INPP4A: variants seen among roughly 807,000 people sequenced by gnomAD.
The protein encoded by INPP4A is inositol polyphosphate-4-phosphatase, type I, 107kD.
INPP4A carries 33 observed loss-of-function variants against 119.8 expected under a neutral mutation model. That is an observed-to-expected ratio of 0.28 (90% confidence interval 0.21 to 0.37). The LOEUF (loss-of-function observed/expected upper bound fraction) is 0.37, where lower values mean the gene tolerates loss of function less well. Among genes scored for constraint, INPP4A ranks in the 10% least tolerant of loss-of-function variants. INPP4A has a pLI of 1.00. For missense variants in INPP4A, 956 were observed against 1,289.9 expected, an observed-to-expected ratio of 0.74 and a Z score of 3.97; for synonymous variants, 496 against 500.7, an observed-to-expected ratio of 0.99 and a Z score of 0.12.
At chr2:98,490,080 G>T (rs75608749) in intron 1 of INPP4A, among the ~76,000 whole-genome samples, 10 of 151,912 alleles carry the variant, frequency 6.6e-5, no homozygotes, top group Non-Finnish European at 1.5e-4. Flanking sequence ...GAGGTGCTCC[G>T]GGTCTGGGTG....
intron 1 of INPP4A, among the ~76,000 whole-genome samples, chr2:98,458,896 A>G (rs1047912435): frequency 3.9e-5 from 6 of 152,190 alleles, no homozygotes; most frequent in South Asian, 2.1e-4. Context: ...GAAGTTCTCA[A>G]AGCATGGCTG....
intron 1 of INPP4A, among the ~76,000 whole-genome samples, chr2:98,483,697 G>A (rs1678958308): frequency 6.6e-6 from 1 of 152,130 alleles, no homozygotes; most frequent in Admixed American, 6.5e-5. Context: ...CCTAAACATA[G>A]CAGCGTGGAC....
At chr2:98,539,097 CCT>C (rs1690894551) in intron 9 of INPP4A, 116 bp downstream of exon 9, 1 of 587,788 alleles carries the variant, frequency 1.7e-6, no homozygotes, top group Non-Finnish European at 3.1e-6. Flanking sequence ...CTAATTGTCA[CCT>C]CTCTGCTGCT....
intron 1 of INPP4A, among the ~76,000 whole-genome samples, chr2:98,475,629 C>T (rs916467622): frequency 3.9e-5 from 6 of 152,114 alleles, no homozygotes; most frequent in African/African-American, 1.2e-4. Flanking sequence ...TTGCTTTAGG[C>T]GTCAGTATTA....
chr2:98,468,531 G>A (rs1574557723), intron 1 of INPP4A, among the ~76,000 whole-genome samples: 2 of 152,228 alleles, frequency 1.3e-5, no homozygotes, highest in South Asian at 2.1e-4. Context: ...GAGCCACCAT[G>A]TATGGCTGAA....
At chr2:98,516,645 A>G (rs1252180173) in intron 1 of INPP4A, among the ~76,000 whole-genome samples, 1 of 152,180 alleles carries the variant, frequency 6.6e-6, no homozygotes, top group African/African-American at 2.4e-5. Flanking sequence ...AGGCAATGGA[A>G]TGCTTTAGAC....
intron 1 of INPP4A, among the ~76,000 whole-genome samples, chr2:98,470,156 A>G (rs987088237): frequency 2.0e-5 from 3 of 152,350 alleles, no homozygotes; most frequent in East Asian, 3.9e-4. Context: ...TGACATGTTG[A>G]TGAGTCTGTA....
intron 18 of INPP4A, among the ~76,000 whole-genome samples, chr2:98,564,038 T>C (rs1277474544): frequency 6.6e-6 from 1 of 151,986 alleles, no homozygotes; most frequent in Non-Finnish European, 1.5e-5. Flanking sequence ...GCCTTAGCTC[T>C]GCAGCTTGTT....
intron 1 of INPP4A, among the ~76,000 whole-genome samples, chr2:98,445,868 GTAGAGCCC>G (rs2104347862): frequency 6.6e-6 from 1 of 152,358 alleles, no homozygotes; most frequent in East Asian, 1.9e-4. Flanking sequence ...CCTATATGTG[GTAGAGCCC>G]ATCTTCTCTT....
rs909183485 is a variant in INPP4A, at chr2:98,593,974, C to G, written c.*6366C>G. 2 of 152,082 alleles carry G rather than the reference C, an allele frequency of 1.3e-5. No homozygotes were observed. Among genetic ancestry groups the G allele is most frequent in the African/African-American group, 4.8e-5 (2 of 41,422 alleles). 9.4% of individuals were successfully genotyped at this position (152,082 alleles called of 1,614,324 possible). A position where few individuals can be genotyped will look rare whatever the true frequency, so the allele number is the denominator to read the frequency against. ...CTATGAAGATTCTTTCATGCATGTC[C>G]TGTCCACTGTCAGTCCCCTCTGTAT... On this transcript the variant is annotated 3_prime_UTR_variant, in exon 25 of 25. Transcript: ENST00000409851.
intron 4 of INPP4A, among the ~76,000 whole-genome samples, chr2:98,524,638 A>G (rs1250715312): frequency 6.6e-6 from 1 of 152,222 alleles, no homozygotes; most frequent in Admixed American, 6.5e-5. Context: ...ATAGGTGTCA[A>G]GAAAACTCAC....
rs1339938713 is a variant in INPP4A, at chr2:98,590,795, G to A, written c.*3187G>A. 1 of 227,550 alleles carries A rather than the reference G, an allele frequency of 4.4e-6. No homozygotes were observed. The highest frequency in any genetic ancestry group is 2.2e-5 in the African/African-American group (1 of 44,988). The allele number at this position is 227,550 out of a possible 1,614,324, so 14.1% of individuals were successfully genotyped here. On this transcript the variant is annotated 3_prime_UTR_variant, in exon 25 of 25. Coordinates refer to ENST00000409851, the MANE Select transcript of INPP4A (RefSeq NM_001134225.2). ...ATGATTGAAATGTTTAACTCTTGGA[G>A]TTTTTAGTATTACCAAACTCCTAGA...
chr2:98,472,167 G>T (rs991939039), intron 1 of INPP4A, among the ~76,000 whole-genome samples: 2 of 152,364 alleles, frequency 1.3e-5, no homozygotes, highest in Non-Finnish European at 1.5e-5. Context: ...TGGTCCACAT[G>T]GGTGGAGACC....
intron 5 of INPP4A, among the ~76,000 whole-genome samples, chr2:98,534,155 T>A (rs1366953410): frequency 6.6e-6 from 1 of 152,264 alleles, no homozygotes; most frequent in Non-Finnish European, 1.5e-5. Context: ...CCTTTCAGTC[T>A]CTTAGAAACT....
At chr2:98,506,390 G>A (rs1016807119) in intron 1 of INPP4A, among the ~76,000 whole-genome samples, 6 of 152,232 alleles carry the variant, frequency 3.9e-5, no homozygotes, top group Admixed American at 1.3e-4. Context: ...TGGCTCCCAG[G>A]CATCAAACTA....
chr2:98,544,370 A>G (rs1266801661), intron 11 of INPP4A, among the ~76,000 whole-genome samples: 2 of 152,212 alleles, frequency 1.3e-5, no homozygotes, highest in African/African-American at 4.8e-5. Context: ...TAATGTCAGT[A>G]TAGGATGTAC....
chr2:98,484,257 T>C (rs1430293324), intron 1 of INPP4A, among the ~76,000 whole-genome samples: 1 of 152,118 alleles, frequency 6.6e-6, no homozygotes, highest in Non-Finnish European at 1.5e-5. Flanking sequence ...TCTCCCATGG[T>C]CATTCCCGAG....
chr2:98,484,181 C>A (rs1679069508), intron 1 of INPP4A, among the ~76,000 whole-genome samples: 1 of 152,130 alleles, frequency 6.6e-6, no homozygotes, highest in African/African-American at 2.4e-5. Flanking sequence ...GAGGTCCCAT[C>A]ACCTTCTGAT....
chr2:98,536,701 C>T (rs1469254315), intron 7 of INPP4A, among the ~76,000 whole-genome samples: 2 of 152,194 alleles, frequency 1.3e-5, no homozygotes, highest in African/African-American at 4.8e-5. Context: ...TTTAGGGGCA[C>T]TTCCCACCAA....
Sources: allele counts gnomAD v4.1 joint callset (sites outside exome capture counted in the v4.1 genomes callset), GRCh38; gene constraint gnomAD v4.1.1; transcripts MANE v1.5; gene names NCBI Gene and HGNC (gene_info 2026-07-23, HGNC 2026-07-21).